Variants in GOLM2 observed in about 807,000 individuals in gnomAD.
The protein encoded by GOLM2 is protein GOLM2.
Under a neutral mutation model 55.9 loss-of-function variants are expected in GOLM2, and 26 were observed. The observed-to-expected ratio is 0.47, with a 90% confidence interval of 0.34 to 0.65. The LOEUF is 0.65. GOLM2 is among the 30% of genes least tolerant of loss of function. GOLM2 has a pLI of 0.01. For synonymous variants in GOLM2, 165 were observed against 194.6 expected (o/e 0.85, Z 1.27); for missense variants, 486 against 531.8 (o/e 0.91, Z 0.85).
chr15:44,368,821 T>C (rs2079304020), intron 6 of GOLM2, among the ~76,000 whole-genome samples: 1 of 151,102 alleles, frequency 6.6e-6, no homozygotes, highest in East Asian at 2.0e-4. Flanking sequence ...TCTCCGTTTG[T>C]TTCTGTTGAT....
chr15:44,309,727 G>T (rs1318548246), intron 1 of GOLM2, among the ~76,000 whole-genome samples: 1 of 152,104 alleles, frequency 6.6e-6, no homozygotes, highest in Non-Finnish European at 1.5e-5. Flanking sequence ...TAAACTTTTT[G>T]ACAATGCTAT....
intron 6 of GOLM2, among the ~76,000 whole-genome samples, chr15:44,364,023 T>C (rs1322041059): frequency 3.3e-5 from 5 of 149,414 alleles, no homozygotes; most frequent in Non-Finnish European, 5.9e-5. Context: ...AAGGGGAACA[T>C]CACACTCTGG....
intron 6 of GOLM2, among the ~76,000 whole-genome samples, chr15:44,366,706 A>T (rs2079288087): frequency 6.6e-6 from 1 of 151,970 alleles, no homozygotes; most frequent in Non-Finnish European, 1.5e-5. Context: ...TAGGAAGATT[A>T]TGTCTTAAGG....
intron 1 of GOLM2, among the ~76,000 whole-genome samples, chr15:44,305,261 A>C (rs1383712482): frequency 6.6e-6 from 1 of 152,124 alleles, no homozygotes; most frequent in Non-Finnish European, 1.5e-5. Flanking sequence ...TGGCCTCCCA[A>C]AGTGATGGAA....
chr15:44,371,467 A>G (rs183667051), intron 6 of GOLM2, among the ~76,000 whole-genome samples: 1 of 152,332 alleles, frequency 6.6e-6, no homozygotes, highest in African/African-American at 2.4e-5. Context: ...ACATAATTTT[A>G]AGTAGTACAT....
At chr15:44,333,950 C>T (rs956200162) in intron 4 of GOLM2, among the ~76,000 whole-genome samples, 7 of 152,104 alleles carry the variant, frequency 4.6e-5, no homozygotes, top group Non-Finnish European at 7.4e-5. Context: ...CTCCCGACCT[C>T]GTGATCTGCC....
intron 2 of GOLM2, 69 bp downstream of exon 2, chr15:44,323,088 G>A (rs2078961896): frequency 9.6e-7 from 1 of 1,044,230 alleles, no homozygotes; most frequent in South Asian, 1.7e-5. Context: ...GAAGAATTAA[G>A]AAATAGTAAA....
intron 2 of GOLM2, among the ~76,000 whole-genome samples, chr15:44,324,542 C>T (rs1253161361): frequency 6.6e-6 from 1 of 151,902 alleles, no homozygotes; most frequent in Non-Finnish European, 1.5e-5. Flanking sequence ...GGCAAGTTTT[C>T]TTTGAAATTA....
chr15:44,301,766 G>T (rs183101023), intron 1 of GOLM2, among the ~76,000 whole-genome samples: 1 of 152,104 alleles, frequency 6.6e-6, no homozygotes, highest in South Asian at 2.1e-4. Context: ...CAGGATATCA[G>T]CCGGGTATGG....
At chr15:44,386,136 T>C (rs1393831468) in intron 8 of GOLM2, among the ~76,000 whole-genome samples, 1 of 152,182 alleles carries the variant, frequency 6.6e-6, no homozygotes, top group Non-Finnish European at 1.5e-5. Flanking sequence ...GATTTCCCCC[T>C]GTGTTTTCTT....
intron 8 of GOLM2, among the ~76,000 whole-genome samples, chr15:44,395,254 C>T (rs1054491165): frequency 1.9e-4 from 29 of 151,362 alleles, no homozygotes; most frequent in Admixed American, 1.8e-3. Flanking sequence ...GTGATCCGCC[C>T]GCCTCAGCCT....
intron 6 of GOLM2, among the ~76,000 whole-genome samples, chr15:44,343,316 G>GAA (rs200034292): frequency 1.1e-4 from 12 of 105,224 alleles, no homozygotes; most frequent in Non-Finnish European, 1.8e-4. Context: ...CTGGAAGACA[G>GAA]AAAAAAAAAA....
chr15:44,360,344 A>G (rs1193652535), intron 6 of GOLM2, among the ~76,000 whole-genome samples: 2 of 152,208 alleles, frequency 1.3e-5, no homozygotes. Flanking sequence ...CTCAAAATAG[A>G]AGCATGGAGA....
intron 8 of GOLM2, among the ~76,000 whole-genome samples, chr15:44,392,362 C>G (rs2079496464): frequency 6.6e-6 from 1 of 151,978 alleles, no homozygotes; most frequent in African/African-American, 2.4e-5. Flanking sequence ...TAGCTCACGC[C>G]TGTAAATCCC....
intron 1 of GOLM2, among the ~76,000 whole-genome samples, chr15:44,310,024 C>T (rs1349748851): frequency 6.6e-6 from 1 of 152,114 alleles, no homozygotes; most frequent in Non-Finnish European, 1.5e-5. Context: ...GCTGGAACTA[C>T]AGGCAAATGC....
chr15:44,374,234 G>C (rs1013176865), intron 6 of GOLM2, among the ~76,000 whole-genome samples: 10 of 152,160 alleles, frequency 6.6e-5, no homozygotes, highest in African/African-American at 2.4e-4. Context: ...TTGGTGGCCT[G>C]TATTTTCTCT....
chr15:44,384,231 G>C (rs1595661111), intron 8 of GOLM2, among the ~76,000 whole-genome samples: 2 of 151,474 alleles, frequency 1.3e-5, no homozygotes, highest in East Asian at 2.0e-4. Context: ...ACAAAACTCT[G>C]TACTCTCCTA....
intron 6 of GOLM2, among the ~76,000 whole-genome samples, chr15:44,343,629 C>T (rs1352499046): frequency 1.3e-5 from 2 of 151,626 alleles, no homozygotes; most frequent in Admixed American, 6.6e-5. Context: ...AGTTTGAGAC[C>T]AGCCTGGCCA....
intron 6 of GOLM2, among the ~76,000 whole-genome samples, chr15:44,366,165 C>T (rs1321340333): frequency 1.3e-5 from 2 of 151,966 alleles, no homozygotes; most frequent in Non-Finnish European, 1.5e-5. Context: ...GGCGTGGTGG[C>T]GGGCGCCTGT....
Sources: allele counts gnomAD v4.1 joint callset (sites outside exome capture counted in the v4.1 genomes callset), GRCh38; gene constraint gnomAD v4.1.1; transcripts MANE v1.5; gene names NCBI Gene and HGNC (gene_info 2026-07-23, HGNC 2026-07-21).